BMERB1: variants seen among roughly 807,000 people sequenced by gnomAD.
BMERB1 encodes bMERB domain containing 1.
In BMERB1, 12 loss-of-function variants were observed where a neutral mutation model predicts 23.6. That is an observed-to-expected ratio of 0.51 (90% confidence interval 0.33 to 0.82). The LOEUF (loss-of-function observed/expected upper bound fraction) is 0.82, where lower values mean the gene tolerates loss of function less well. Among genes scored for constraint, BMERB1 ranks in the 40% least tolerant of loss-of-function variants. BMERB1 has a pLI of 0.03. For missense variants in BMERB1, 247 were observed against 255.4 expected (o/e 0.97, Z 0.22); for synonymous variants, 122 against 96.6 (o/e 1.26, Z -1.54).
In BMERB1 at chr16:15,434,722, G is replaced by T. The variant is rs2050871716; in HGVS notation, c.69G>T (p.Val23=). ...AGCCTCTGAGGCGCTATGGGGCGGT[G>T]GAGGAGACGGCTTGGAAAACGGAGA... ...AEKPLRRYGA[V]EETAWKTERL... is the part of the protein sequence containing the mutation. The change falls in exon 1 of 6, where the codon GTG becomes GTT. Residue 23 remains valine (V), a synonymous_variant. Transcript: ENST00000300006. 6.2e-7 allele frequency: 1 copy of T among 1,612,062 alleles called. No individual in the cohort carries two copies. Among genetic ancestry groups the T allele is most frequent in the Non-Finnish European group, 8.5e-7 (1 of 1,178,974 alleles).
intron 1 of BMERB1, among the ~76,000 whole-genome samples, chr16:15,496,634 G>T (rs917618314): frequency 1.3e-5 from 2 of 152,038 alleles, no homozygotes; most frequent in African/African-American, 4.8e-5. Context: ...CGCCTCCCGG[G>T]TTCACGCCAT....
At position 15,587,694 on chromosome 16, in the gene BMERB1, A is replaced by G. The variant is rs990180439; in HGVS notation, c.*865A>G. The G allele has an allele frequency of 3.4e-6, 1 of 295,004 alleles. No homozygotes were observed. Among genetic ancestry groups the G allele is most frequent in the Non-Finnish European group, 7.3e-6 (1 of 137,282 alleles). 18.3% of individuals were successfully genotyped at this position (295,004 alleles called of 1,614,324 possible). ...CAGGATGCCACTTTGCCAGCCCGAC[A>G]CACGGACCTTTGTAAAGAACAGCAA... On this transcript the variant is annotated 3_prime_UTR_variant, in exon 6 of 6. Transcript: ENST00000300006.
intron 1 of BMERB1, among the ~76,000 whole-genome samples, chr16:15,507,720 A>G (rs567997349): frequency 1.3e-5 from 2 of 152,284 alleles, no homozygotes; most frequent in South Asian, 2.1e-4. Flanking sequence ...GCTAATTTCT[A>G]TCACACAAGT....
chr16:15,509,200 T>C (rs958057842), intron 1 of BMERB1, among the ~76,000 whole-genome samples: 3 of 151,996 alleles, frequency 2.0e-5, no homozygotes, highest in Non-Finnish European at 4.4e-5. Context: ...CCATCTGAAC[T>C]GTGATGAGAA....
chr16:15,447,317 GGA>G (rs2050998687), intron 1 of BMERB1, among the ~76,000 whole-genome samples: 1 of 152,180 alleles, frequency 6.6e-6, no homozygotes, highest in Non-Finnish European at 1.5e-5. Context: ...CAAGGTGGCA[GGA>G]GAGAGTGACA....
intron 1 of BMERB1, among the ~76,000 whole-genome samples, chr16:15,503,080 A>G (rs1754471609): frequency 1.3e-5 from 2 of 152,298 alleles, no homozygotes; most frequent in South Asian, 4.1e-4. Context: ...CCAATTATGG[A>G]TGGAAAATAT....
At chr16:15,450,360 T>C (rs1216252284) in intron 1 of BMERB1, among the ~76,000 whole-genome samples, 1 of 152,130 alleles carries the variant, frequency 6.6e-6, no homozygotes, top group Non-Finnish European at 1.5e-5. Context: ...AATGTAGAAG[T>C]CATCCTTAGC....
At chr16:15,478,185 TCTCA>T (rs1418577913) in intron 1 of BMERB1, among the ~76,000 whole-genome samples, 1 of 151,954 alleles carries the variant, frequency 6.6e-6, no homozygotes, top group African/African-American at 2.4e-5. Context: ...TTAGATGGAG[TCTCA>T]CTCTGTTGCC....
chr16:15,562,795 C>T (rs2030459565), intron 2 of BMERB1, among the ~76,000 whole-genome samples: 1 of 152,204 alleles, frequency 6.6e-6, no homozygotes, highest in Admixed American at 6.5e-5. Context: ...CTGATAGAAA[C>T]TCACGGGAAC....
chr16:15,471,527 A>G (rs1442148265), intron 1 of BMERB1, among the ~76,000 whole-genome samples: 1 of 152,136 alleles, frequency 6.6e-6, no homozygotes, highest in Non-Finnish European at 1.5e-5. Context: ...TTCCCTTGTT[A>G]TCTACTCAGT....
intron 1 of BMERB1, among the ~76,000 whole-genome samples, chr16:15,498,617 A>C (rs1415984358): frequency 6.6e-6 from 1 of 151,656 alleles, no homozygotes. Context: ...AGGAAGGAAA[A>C]AAGAAAGAGA....
rs1407197926 is a variant in BMERB1, at chr16:15,534,302, A to AG, written c.230+18874_230+18875insG. ...TTTTAATTGCAAAAAAAAAAAAAAA[A>AG]AAAAAAAAAAAAAGAAAAGGCCAGG... On this transcript the variant is annotated intron_variant, in intron 2 of 5. Coordinates refer to ENST00000300006, the MANE Select transcript of BMERB1 (RefSeq NM_033201.3). Among the ~76,000 whole-genome samples, 64 of 137,334 alleles carry AG rather than the reference A, an allele frequency of 4.7e-4. 1 individual carries two copies. Among genetic ancestry groups the AG allele is most frequent in the African/African-American group, 5.7e-4 (20 of 34,974 alleles). The allele number at this position is 137,334 out of a possible 152,430, so 90.1% of individuals were successfully genotyped here.
chr16:15,554,028 T>C (rs76755752), intron 2 of BMERB1, among the ~76,000 whole-genome samples: 1,681 of 152,298 alleles, frequency 0.011, 41 homozygotes, highest in East Asian at 0.1. Context: ...CATTGTCACC[T>C]ACCCTGGCAT....
chr16:15,518,786 A>C (rs2150954028), intron 2 of BMERB1, among the ~76,000 whole-genome samples: 1 of 139,288 alleles, frequency 7.2e-6, no homozygotes, highest in African/African-American at 2.6e-5. Context: ...GAATCAGGGA[A>C]GGAGGGAAGG....
rs114357326 is a variant in BMERB1 at position 15,579,673 on chromosome 16, T to G, written c.305-1544T>G. Among the ~76,000 whole-genome samples, 647 of 152,274 alleles carry G rather than the reference T, an allele frequency of 4.2e-3. 4 individuals carry two copies. Among genetic ancestry groups the G allele is most frequent in the African/African-American group, 0.015 (627 of 41,546 alleles). Reference sequence around the variant, plus strand: ...TTCAGCCCTCTCTCTTTTTTTTATTTTTTCTCTTTGGCATCCTAGCACTTG... The same window carrying G: ...TTCAGCCCTCTCTCTTTTTTTTATTGTTTCTCTTTGGCATCCTAGCACTTG... On this transcript the variant is annotated intron_variant, in intron 3 of 5. Transcript: ENST00000300006.
chr16:15,544,418 G>A (rs2052113262), intron 2 of BMERB1, among the ~76,000 whole-genome samples: 1 of 152,198 alleles, frequency 6.6e-6, no homozygotes, highest in Admixed American at 6.5e-5. Flanking sequence ...CCCAGAGCAC[G>A]TTCAGTATGC....
intron 2 of BMERB1, among the ~76,000 whole-genome samples, chr16:15,546,458 GGT>G (rs1164981355): frequency 5.9e-5 from 9 of 152,120 alleles, no homozygotes; most frequent in Non-Finnish European, 7.4e-5. Context: ...TCAAACTGAG[GGT>G]TGGGCTGCTT....
chr16:15,568,468 T>C (rs2030638608), intron 3 of BMERB1, among the ~76,000 whole-genome samples: 1 of 151,970 alleles, frequency 6.6e-6, no homozygotes, highest in African/African-American at 2.4e-5. Context: ...CAAAACCCCA[T>C]CTCTACTAAA....
chr16:15,579,282 G>C (rs1020244494), intron 3 of BMERB1, among the ~76,000 whole-genome samples: 7 of 152,132 alleles, frequency 4.6e-5, no homozygotes, highest in Middle Eastern at 3.2e-3. Flanking sequence ...AGAGGGCAGG[G>C]AGCGGCTCTG....
Sources: gnomAD v4.1 joint callset for allele counts (sites outside exome capture counted in the v4.1 genomes callset) on GRCh38, gnomAD v4.1.1 for gene constraint, MANE v1.5 for transcripts, NCBI Gene and HGNC (gene_info 2026-07-23, HGNC 2026-07-21) for gene names.